Variants in RBFOX1 observed in about 807,000 individuals in gnomAD.
RBFOX1 encodes RNA binding fox-1 homolog 1.
A neutral mutation model predicts 57.7 loss-of-function variants in RBFOX1; 8 were observed. The ratio of observed to expected loss-of-function variants is 0.14; its 90% CI spans 0.08 to 0.25. The LOEUF is 0.25. RBFOX1 is among the 10% of genes least tolerant of loss of function. The pLI, the probability that RBFOX1 is intolerant of heterozygous loss-of-function variation, is 1.00. For synonymous variants in RBFOX1, 326 were observed against 222.4 expected (o/e 1.47, Z -4.15); for missense variants, 611 against 548.5 (o/e 1.11, Z -1.14).
intron 1 of RBFOX1, among the ~76,000 whole-genome samples, chr16:6,175,416 C>G (rs1318730171): frequency 6.6e-6 from 1 of 152,056 alleles, no homozygotes; most frequent in African/African-American, 2.4e-5. Context: ...ACACGTTCTG[C>G]TAGAGCTCAG....
At chr16:5,866,334 C>A (rs1357195232) in intron 3 of RBFOX1, among the ~76,000 whole-genome samples, 6 of 152,212 alleles carry the variant, frequency 3.9e-5, no homozygotes, top group African/African-American at 1.4e-4. Context: ...ATCATCTAAA[C>A]TTAATTACTT....
intron 2 of RBFOX1, among the ~76,000 whole-genome samples, chr16:6,432,231 A>C (rs2094120550): frequency 6.6e-6 from 1 of 152,054 alleles, no homozygotes; most frequent in Admixed American, 6.5e-5. Context: ...GGCTTCCCAA[A>C]GTGCTAGGAT....
intron 2 of RBFOX1, among the ~76,000 whole-genome samples, chr16:5,500,146 T>TTCCCTCCTTCCCTCCG: frequency 1.1e-5 from 1 of 95,040 alleles, no homozygotes; most frequent in African/African-American, 5.1e-5. Flanking sequence ...CCTTCCCTCC[T>TTCCCTCCTTCCCTCCG]TCCCTTCCTC....
intron 3 of RBFOX1, among the ~76,000 whole-genome samples, chr16:6,749,308 G>A (rs536668306): frequency 4.6e-5 from 7 of 152,142 alleles, no homozygotes; most frequent in African/African-American, 1.7e-4. Flanking sequence ...TTAAATGAGA[G>A]AACAGATGCA....
chr16:7,697,573 T>C (rs1340660388), intron 14 of RBFOX1, among the ~76,000 whole-genome samples: 1 of 152,186 alleles, frequency 6.6e-6, no homozygotes, highest in Non-Finnish European at 1.5e-5. Context: ...TGCATGTATA[T>C]ATGTATCACA....
chr16:6,351,356 A>G (rs570931092), intron 2 of RBFOX1, among the ~76,000 whole-genome samples: 161 of 84,866 alleles, frequency 1.9e-3, no homozygotes, highest in African/African-American at 7.8e-3. Context: ...GTGTGTGTAT[A>G]TATATATATA....
intron 3 of RBFOX1, among the ~76,000 whole-genome samples, chr16:5,864,878 A>G (rs2057311069): frequency 6.6e-6 from 1 of 152,204 alleles, no homozygotes; most frequent in South Asian, 2.1e-4. Flanking sequence ...CTCTCCCACT[A>G]TAGGTGGTTG....
At chr16:5,440,014 C>T (rs1034923896) in intron 1 of RBFOX1, among the ~76,000 whole-genome samples, 11 of 152,072 alleles carry the variant, frequency 7.2e-5, no homozygotes, top group African/African-American at 2.7e-4. Flanking sequence ...CTGTTAACAC[C>T]ATTTGATAGT....
intron 2 of RBFOX1, among the ~76,000 whole-genome samples, chr16:5,598,138 A>C (rs2047248103): frequency 6.6e-6 from 1 of 152,146 alleles, no homozygotes; most frequent in Non-Finnish European, 1.5e-5. Flanking sequence ...ATCTACTAAA[A>C]ATACAAAAAC....
At chr16:6,885,894 T>C (rs1157970597) in intron 3 of RBFOX1, among the ~76,000 whole-genome samples, 2 of 152,170 alleles carry the variant, frequency 1.3e-5, no homozygotes, top group Non-Finnish European at 2.9e-5. Flanking sequence ...CAATGCAGCA[T>C]TGGAGAATGA....
chr16:6,851,265 G>A (rs2094046504), intron 3 of RBFOX1, among the ~76,000 whole-genome samples: 1 of 152,130 alleles, frequency 6.6e-6, no homozygotes, highest in Admixed American at 6.6e-5. Flanking sequence ...GTGGTTGCCG[G>A]GGTCAGGAGT....
At chr16:7,592,880 C>T (rs1173985383) in intron 7 of RBFOX1, among the ~76,000 whole-genome samples, 1 of 152,084 alleles carries the variant, frequency 6.6e-6, no homozygotes, top group African/African-American at 2.4e-5. Flanking sequence ...GGTACAATCA[C>T]AGCTCACTGT....
intron 4 of RBFOX1, among the ~76,000 whole-genome samples, chr16:7,385,023 A>G (rs1432982847): frequency 6.6e-6 from 1 of 152,226 alleles, no homozygotes; most frequent in Non-Finnish European, 1.5e-5. Context: ...GAGAGAAAGA[A>G]CATTCCAGGA....
downstream of RBFOX1, among the ~76,000 whole-genome samples, chr16:5,603,612 G>A (rs186667926): frequency 2.6e-5 from 4 of 152,262 alleles, no homozygotes; most frequent in East Asian, 1.9e-4. Context: ...TCTGCCCCTC[G>A]ATACATCAAA....
At chr16:5,839,421 C>T (rs899599626) in intron 3 of RBFOX1, among the ~76,000 whole-genome samples, 33 of 152,158 alleles carry the variant, frequency 2.2e-4, no homozygotes, top group African/African-American at 8.0e-4. Context: ...TCTCCACAGC[C>T]ACTAAGTGTC....
intron 3 of RBFOX1, among the ~76,000 whole-genome samples, chr16:5,733,770 C>A (rs992348338): frequency 2.6e-5 from 4 of 151,972 alleles, no homozygotes; most frequent in Admixed American, 2.0e-4. Flanking sequence ...TTCCCATTCT[C>A]ACCTTTTCTT....
intron 3 of RBFOX1, among the ~76,000 whole-genome samples, chr16:6,867,001 G>T (rs546184432): frequency 4.1e-4 from 50 of 122,230 alleles, no homozygotes; most frequent in African/African-American, 1.7e-3. Context: ...GTCAGAGTCT[G>T]TGTTAGCTGT....
chr16:6,349,296 G>A (rs564648578), intron 2 of RBFOX1, among the ~76,000 whole-genome samples: 108 of 152,284 alleles, frequency 7.1e-4, no homozygotes, highest in Non-Finnish European at 1.4e-3. Flanking sequence ...TCACTCAGCT[G>A]ATAAGGAGGC....
intron 4 of RBFOX1, among the ~76,000 whole-genome samples, chr16:7,384,432 A>G (rs989499134): frequency 1.3e-5 from 2 of 152,160 alleles, no homozygotes; most frequent in African/African-American, 4.8e-5. Flanking sequence ...TGGTTCTTGA[A>G]TTTAGGCTTG....
Sources: allele counts gnomAD v4.1 joint callset (sites outside exome capture counted in the v4.1 genomes callset), GRCh38; gene constraint gnomAD v4.1.1; transcripts MANE v1.5; gene names NCBI Gene and HGNC (gene_info 2026-07-23, HGNC 2026-07-21).